The following NEBL variants were observed in gnomAD, a reference collection of about 807,000 sequenced individuals.
NEBL encodes nebulette.
A neutral mutation model predicts 140.2 loss-of-function variants in NEBL; 122 were observed. The observed-to-expected ratio is 0.87, with a 90% CI of 0.75 to 1.01. The LOEUF is 1.01. NEBL is among the 50% of genes least tolerant of loss of function. NEBL has a pLI of 0.00. For synonymous variants in NEBL, 436 were observed against 398.9 expected, an observed-to-expected ratio of 1.09 and a Z score of -1.11; for missense variants, 1,365 against 1,231.3, an observed-to-expected ratio of 1.11 and a Z score of -1.62.
intron 2 of NEBL, among the ~76,000 whole-genome samples, chr10:21,051,874 T>G (rs1305438342): frequency 6.6e-6 from 1 of 152,108 alleles, no homozygotes; most frequent in Non-Finnish European, 1.5e-5. Context: ...TTAATTTAAC[T>G]GAAAACTTCA....
At chr10:20,943,586 T>C (rs998864211) in intron 4 of NEBL, among the ~76,000 whole-genome samples, 1 of 151,836 alleles carries the variant, frequency 6.6e-6, no homozygotes, top group African/African-American at 2.4e-5. Flanking sequence ...AGTTAAAGTA[T>C]AATAATAAAA....
chr10:21,290,613 G>T (rs1437389961), intron 1 of NEBL, among the ~76,000 whole-genome samples: 2 of 152,010 alleles, frequency 1.3e-5, no homozygotes, highest in African/African-American at 4.8e-5. Context: ...TTCTTTTGAG[G>T]GTAACTCCAA....
At chr10:20,930,642 C>T (rs1834138202) in intron 4 of NEBL, among the ~76,000 whole-genome samples, 1 of 152,170 alleles carries the variant, frequency 6.6e-6, no homozygotes, top group South Asian at 2.1e-4. Flanking sequence ...ACACACCATC[C>T]TCCTTTTCAC....
At position 21,282,841 on chromosome 10, in the gene NEBL, T is replaced by A. The variant is rs143150088; in HGVS notation, n.182+9989A>T. ...ATTGCTGATTAAAAAAAGGTTGCAA[T>A]AGGCAGGGCGCAGTGGCTCACGCCT... On this transcript the variant is annotated intron_variant and non_coding_transcript_variant, in intron 1 of 8. Coordinates refer to the NEBL transcript ENST00000675702. Among the ~76,000 whole-genome samples the A allele has an allele frequency of 2.5e-3, 380 of 152,014 alleles. 1 individual carries two copies. The highest frequency in any genetic ancestry group is 8.4e-3 in the African/African-American group (349 of 41,458).
At chr10:20,927,912 T>C (rs1735839400) in intron 4 of NEBL, among the ~76,000 whole-genome samples, 1 of 152,240 alleles carries the variant, frequency 6.6e-6, no homozygotes, top group African/African-American at 2.4e-5. Flanking sequence ...TGTAAGATAG[T>C]GTCACCCAAC....
chr10:21,161,865 T>G (rs1165537411), intron 2 of NEBL, among the ~76,000 whole-genome samples: 2 of 152,200 alleles, frequency 1.3e-5, no homozygotes, highest in Non-Finnish European at 2.9e-5. Context: ...CTCTAAATAC[T>G]TGAAATTTCC....
intron 1 of NEBL, 31 bp downstream of exon 1, chr10:20,897,094 C>A (rs767502540): frequency 8.8e-6 from 14 of 1,592,590 alleles, no homozygotes; most frequent in Non-Finnish European, 1.1e-5. Flanking sequence ...GAGGAACAAA[C>A]GCTGGTCTGA....
intron 2 of NEBL, among the ~76,000 whole-genome samples, chr10:20,890,311 T>C (rs1211605521): frequency 6.6e-6 from 1 of 152,174 alleles, no homozygotes; most frequent in Non-Finnish European, 1.5e-5. Flanking sequence ...CCTTGACACA[T>C]AAGCCTTTGG....
intron 3 of NEBL, among the ~76,000 whole-genome samples, chr10:20,989,435 T>C (rs967644604): frequency 6.6e-6 from 1 of 152,180 alleles, no homozygotes; most frequent in African/African-American, 2.4e-5. Flanking sequence ...AAATATGTCA[T>C]AGTCTTCAAA....
chr10:20,920,871 C>T (rs1050421000), intron 4 of NEBL, among the ~76,000 whole-genome samples: 3 of 152,116 alleles, frequency 2.0e-5, no homozygotes, highest in African/African-American at 7.2e-5. Flanking sequence ...ATAAATGGAA[C>T]TAATTATACA....
chr10:20,831,061 AT>A (rs1260423302), intron 16 of NEBL, 134 bp downstream of exon 16: 1 of 729,296 alleles, frequency 1.4e-6, no homozygotes, highest in South Asian at 1.5e-5. Flanking sequence ...AGTTTGGCCA[AT>A]GGTTTCTTAG....
chr10:21,169,472 G>A (rs903733146), intron 2 of NEBL, among the ~76,000 whole-genome samples: 1 of 152,208 alleles, frequency 6.6e-6, no homozygotes, highest in East Asian at 1.9e-4. Flanking sequence ...CATGCACCAC[G>A]TGAATTAGAG....
intron 2 of NEBL, among the ~76,000 whole-genome samples, chr10:21,130,898 A>G (rs1395958282): frequency 6.6e-6 from 1 of 152,032 alleles, no homozygotes; most frequent in Non-Finnish European, 1.5e-5. Context: ...TAGAGCAGAA[A>G]ACAATAAAAT....
chr10:20,826,672 T>C, intron 17 of NEBL, 133 bp from the exon 18 acceptor site: 1 of 731,366 alleles, frequency 1.4e-6, no homozygotes, highest in South Asian at 1.6e-5. Context: ...GCCGGAATTA[T>C]AGGAACAAAT....
intron 1 of NEBL, among the ~76,000 whole-genome samples, chr10:21,273,011 C>G (rs1842877335): frequency 6.6e-6 from 1 of 152,076 alleles, no homozygotes; most frequent in Admixed American, 6.6e-5. Flanking sequence ...AACAAACAAA[C>G]AAAAATCTAG....
chr10:20,831,425 A>T, intron 15 of NEBL, 48 bp downstream of exon 15: 1 of 1,535,104 alleles, frequency 6.5e-7, no homozygotes, highest in Non-Finnish European at 9.0e-7. Context: ...CTTTCCAGCT[A>T]TGATTCACGG....
chr10:21,154,540 A>C (rs1417365243), intron 2 of NEBL, among the ~76,000 whole-genome samples: 3 of 152,184 alleles, frequency 2.0e-5, no homozygotes, highest in South Asian at 2.1e-4. Flanking sequence ...GGGTCTCAAT[A>C]ACACCTGTGT....
intron 2 of NEBL, among the ~76,000 whole-genome samples, chr10:21,058,224 T>G (rs886117682): frequency 6.6e-6 from 1 of 152,234 alleles, no homozygotes; most frequent in African/African-American, 2.4e-5. Flanking sequence ...CATGCTAGAC[T>G]TGTGTCCTTG....
At chr10:21,181,373 A>G (rs1273492341) in intron 3 of NEBL, among the ~76,000 whole-genome samples, 4 of 152,048 alleles carry the variant, frequency 2.6e-5, no homozygotes, top group East Asian at 1.9e-4. Flanking sequence ...AAAAAAAACC[A>G]AAGTGAAGGT....
Sources: allele counts gnomAD v4.1 joint callset (sites outside exome capture counted in the v4.1 genomes callset), GRCh38; gene constraint gnomAD v4.1.1; transcripts MANE v1.5; gene names NCBI Gene and HGNC (gene_info 2026-07-23, HGNC 2026-07-21).